Variants in CADPS observed in about 807,000 individuals in gnomAD.
CADPS encodes the protein calcium-dependent secretion activator 1.
In CADPS, 57 loss-of-function variants were observed where a neutral mutation model predicts 167.3. The observed-to-expected ratio is 0.34, with a 90% confidence interval of 0.28 to 0.42. The LOEUF is 0.42. Among genes scored for constraint, CADPS ranks in the 20% least tolerant of loss-of-function variants. The pLI is 1.00. For synonymous variants in CADPS, 676 were observed against 635.3 expected (o/e 1.06, Z -0.96); for missense variants, 1,414 against 1,738.1 (o/e 0.81, Z 3.32).
At chr3:62,547,788 C>A (rs2076743020) in intron 11 of CADPS, among the ~76,000 whole-genome samples, 1 of 152,024 alleles carries the variant, frequency 6.6e-6, no homozygotes, top group African/African-American at 2.4e-5. Context: ...AAATCAAGAG[C>A]CCCCATGCAT....
intron 6 of CADPS, 69 bp from the exon 7 acceptor site, chr3:62,592,817 C>A: frequency 1.7e-6 from 2 of 1,182,072 alleles, no homozygotes; most frequent in East Asian, 2.4e-5. Context: ...TTCCATTGTT[C>A]CCAGGTCAGG....
In CADPS at chr3:62,458,270, T is replaced by C. The variant is rs1358709246; in HGVS notation, c.3636+7097A>G. On this transcript the variant is annotated intron_variant, in intron 26 of 29. Coordinates refer to ENST00000383710, the MANE Select transcript of CADPS (RefSeq NM_003716.4). This position sits in a 1 kb window ranked among gnomAD's most constrained non-coding sequence, Gnocchi z 4.6. Reference sequence around the variant, plus strand: ...CTGAGGCAGCTATCAGCATTCCCACTGTATAGATGAAGAAACCAAGGCTCA... The same window carrying C: ...CTGAGGCAGCTATCAGCATTCCCACCGTATAGATGAAGAAACCAAGGCTCA... Among the ~76,000 whole-genome samples, 1 of 152,142 alleles carries C rather than the reference T, an allele frequency of 6.6e-6. No individual in the cohort carries two copies. The highest frequency in any genetic ancestry group is 1.5e-5 in the Non-Finnish European group (1 of 68,022).
At chr3:62,735,088 G>A (rs923003197) in intron 3 of CADPS, among the ~76,000 whole-genome samples, 8 of 151,880 alleles carry the variant, frequency 5.3e-5, no homozygotes, top group East Asian at 1.9e-4. Flanking sequence ...TATTTATAAC[G>A]CATTTTTTTG....
rs935480761 is a variant in CADPS at position 62,412,406 on chromosome 3, G to A, written c.3778-9221C>T. On this transcript the variant is annotated intron_variant, in intron 28 of 29. Transcript: ENST00000383710. The surrounding 1 kb of genome is among the most constrained non-coding windows in gnomAD (Gnocchi z 4.1). ...GCCTTTAGCCTTTTCTCATTAGGAA[G>A]AGATAATGCAAAAGACATAATAATT... 6.6e-6 allele frequency among the ~76,000 whole-genome samples: 1 copy of A among 152,050 alleles called. No homozygotes were observed. The highest frequency in any genetic ancestry group is 1.5e-5 in the Non-Finnish European group (1 of 68,024).
chr3:62,864,281 C>G (rs1279200266), intron 1 of CADPS, among the ~76,000 whole-genome samples: 1 of 152,116 alleles, frequency 6.6e-6, no homozygotes, highest in Admixed American at 6.5e-5. Context: ...ATGCTGGAGA[C>G]AAAAGATTTG....
intron 1 of CADPS, among the ~76,000 whole-genome samples, chr3:62,804,572 A>G (rs1455391442): frequency 6.6e-6 from 1 of 151,832 alleles, no homozygotes. Flanking sequence ...TCTTTTGGGA[A>G]GAGGTTCATC....
At chr3:62,867,188 G>A (rs532366790) in intron 1 of CADPS, among the ~76,000 whole-genome samples, 31 of 152,044 alleles carry the variant, frequency 2.0e-4, no homozygotes, top group Non-Finnish European at 4.0e-4. Flanking sequence ...AGAGCTATTT[G>A]GATTGAGGAC....
chr3:62,566,095 C>T (rs1445779919), intron 9 of CADPS, among the ~76,000 whole-genome samples: 1 of 152,182 alleles, frequency 6.6e-6, no homozygotes, highest in Non-Finnish European at 1.5e-5. Context: ...GATCTAACAT[C>T]TGAATTGAAA....
At chr3:62,817,589 A>G (rs2094685849) in intron 1 of CADPS, among the ~76,000 whole-genome samples, 1 of 152,186 alleles carries the variant, frequency 6.6e-6, no homozygotes. Context: ...AACAACTTCC[A>G]AATCTGGAGT....
chr3:62,735,003 C>A (rs1482263201), intron 3 of CADPS, among the ~76,000 whole-genome samples: 1 of 152,118 alleles, frequency 6.6e-6, no homozygotes, highest in Non-Finnish European at 1.5e-5. Context: ...AACTAAGATG[C>A]AATTACCTTA....
At chr3:62,454,598 T>TAAA (rs2058465483) in intron 26 of CADPS, among the ~76,000 whole-genome samples, 2 of 152,200 alleles carry the variant, frequency 1.3e-5, no homozygotes, top group Non-Finnish European at 2.9e-5. Context: ...GGAAGTATTT[T>TAAA]GAACAACAAA....
At chr3:62,827,121 T>G (rs2074207386) in intron 1 of CADPS, among the ~76,000 whole-genome samples, 2 of 152,108 alleles carry the variant, frequency 1.3e-5, no homozygotes, top group Non-Finnish European at 2.9e-5. Context: ...CTGCAGAGGG[T>G]GTGGGGGTGC....
At chr3:62,434,279 C>T (rs572325806) in intron 28 of CADPS, among the ~76,000 whole-genome samples, 6 of 151,938 alleles carry the variant, frequency 3.9e-5, no homozygotes, top group Non-Finnish European at 7.4e-5. Flanking sequence ...AATATAAAAA[C>T]GCAGATAAAA....
intron 21 of CADPS, among the ~76,000 whole-genome samples, chr3:62,490,799 T>C (rs1204837234): frequency 6.6e-6 from 1 of 152,182 alleles, no homozygotes; most frequent in Non-Finnish European, 1.5e-5. Flanking sequence ...TATGGACCTG[T>C]TTTGTTAACA....
rs202170324 is a variant in CADPS, at chr3:62,817,629, AC to A, written c.442-51646del. 7.5e-3 allele frequency among the ~76,000 whole-genome samples: 1,147 copies of A among 152,286 alleles called. 15 individuals carry two copies. The highest frequency in any genetic ancestry group is 0.026 in the African/African-American group (1,061 of 41,560). On this transcript the variant is annotated intron_variant, in intron 1 of 29. Coordinates refer to ENST00000383710, the MANE Select transcript of CADPS (RefSeq NM_003716.4). ...TTTAAAGAGAAAACGTCCATGGTTT[AC>A]TCAGTAATTGGATAAAATTATTTGT...
chr3:62,419,659 G>A (rs888541437), intron 28 of CADPS, among the ~76,000 whole-genome samples: 1 of 152,114 alleles, frequency 6.6e-6, no homozygotes, highest in African/African-American at 2.4e-5. Flanking sequence ...GATTGTTCAC[G>A]AACAGCATCT....
At chr3:62,426,626 G>T (rs879294979) in intron 28 of CADPS, among the ~76,000 whole-genome samples, 6 of 152,196 alleles carry the variant, frequency 3.9e-5, no homozygotes, top group Non-Finnish European at 5.9e-5. Flanking sequence ...TTACAGAAAA[G>T]AAAATTGAGT....
chr3:62,458,956 G>T lies in CADPS; in HGVS notation c.3636+6411C>A, dbSNP rs1027381997. 1.6e-4 allele frequency among the ~76,000 whole-genome samples: 25 copies of T among 152,094 alleles called. No homozygotes were observed. The highest frequency in any genetic ancestry group is 1.0e-3 in the Admixed American group (16 of 15,258). On this transcript the variant is annotated intron_variant, in intron 26 of 29. Coordinates refer to ENST00000383710, the MANE Select transcript of CADPS (RefSeq NM_003716.4). The surrounding 1 kb of genome is among the most constrained non-coding windows in gnomAD (Gnocchi z 4.6). ...TTTCTCTTCTGTAAAGCTTCTGAAG[G>T]GTTGCTTCAGACAGCAAGTGTGTTA...
At chr3:62,702,925 C>A (rs1352358228) in intron 3 of CADPS, among the ~76,000 whole-genome samples, 3 of 152,024 alleles carry the variant, frequency 2.0e-5, no homozygotes, top group African/African-American at 7.3e-5. Context: ...ACCATTAGCC[C>A]CATTTCATGG....
Sources: allele counts gnomAD v4.1 joint callset (sites outside exome capture counted in the v4.1 genomes callset), GRCh38; gene constraint gnomAD v4.1.1; non-coding constraint Gnocchi (gnomAD v3.1); transcripts MANE v1.5; gene names NCBI Gene and HGNC (gene_info 2026-07-23, HGNC 2026-07-21).